The following ATIC variants were observed in gnomAD, a reference collection of about 807,000 sequenced individuals.
The protein encoded by ATIC is bifunctional purine biosynthesis protein ATIC.
In ATIC, 64 loss-of-function variants were observed where a neutral mutation model predicts 72.5. The observed-to-expected ratio is 0.88, with a 90% CI of 0.72 to 1.09. The LOEUF is 1.09. ATIC is among the 50% of genes least tolerant of loss of function. The pLI, the probability that ATIC is intolerant of heterozygous loss-of-function variation, is 0.00. For synonymous variants in ATIC, 281 were observed against 267.1 expected (o/e 1.05, Z -0.51); for missense variants, 787 against 732.4 (o/e 1.07, Z -0.86).
chr2:215,319,241 C>T (rs2052742006), intron 3 of ATIC, among the ~76,000 whole-genome samples: 1 of 152,114 alleles, frequency 6.6e-6, no homozygotes, highest in Non-Finnish European at 1.5e-5. Flanking sequence ...GTTTGATATT[C>T]TTTAATTAAG....
the ATIC span, chr2:215,361,799 C>T: frequency 5.6e-6 from 3 of 538,568 alleles, no homozygotes; most frequent in Non-Finnish European, 7.1e-6. Flanking sequence ...TCAAGAGTTA[C>T]ATAAATTATA....
chr2:215,332,783 T>G (rs2052910219), intron 8 of ATIC, among the ~76,000 whole-genome samples: 1 of 152,160 alleles, frequency 6.6e-6, no homozygotes, highest in South Asian at 2.1e-4. Flanking sequence ...TGCAATAGAC[T>G]AAGTCTTGTG....
the ATIC span, among the ~76,000 whole-genome samples, chr2:215,358,401 G>A: frequency 2.6e-5 from 4 of 151,724 alleles, no homozygotes; most frequent in Admixed American, 6.6e-5. Flanking sequence ...AACAATTCTC[G>A]GGGGAAGCAA....
chr2:215,338,965 A>G lies in ATIC; in HGVS notation c.1227+58A>G, dbSNP rs1248681659. On this transcript the variant is annotated intron_variant, in intron 12 of 15. Coordinates refer to ENST00000236959, the MANE Select transcript of ATIC (RefSeq NM_004044.7). ...TAACTTCCATTGGTCTGTTTTCAAT[A>G]CTTAATGAGCTTTACATTTATTAAG... 13 of 1,602,058 alleles carry G rather than the reference A, an allele frequency of 8.1e-6. No homozygotes were observed. In the East Asian group the frequency reaches 2.7e-4, roughly 33 times the overall value.
Position 215,333,467 on chromosome 2 carries a change from A to G in ATIC, c.922+10A>G. ...TATGCAAGAGCAAGAGGTCAGACTC[A>G]TAGGGCTTTTTGATTTGGGGGAGAA... On this transcript the variant is annotated intron_variant, in intron 9 of 15. Transcript: ENST00000236959. The G allele has an allele frequency of 6.2e-7, 1 of 1,608,970 alleles. No individual in the cohort carries two copies. The highest frequency in any genetic ancestry group is 1.1e-5 in the South Asian group (1 of 90,746).
At chr2:215,330,613 A>G (rs1009307493) in intron 7 of ATIC, among the ~76,000 whole-genome samples, 3 of 152,072 alleles carry the variant, frequency 2.0e-5, no homozygotes, top group African/African-American at 7.2e-5. Flanking sequence ...ATCATGCAGA[A>G]TAGTTTCAAT....
chr2:215,365,874 C>G, the ATIC span: 1 of 197,420 alleles, frequency 5.1e-6, no homozygotes, highest in Non-Finnish European at 9.9e-6. Context: ...GGTGCAATCT[C>G]GGCTCACTGT....
At chr2:215,318,931 C>T (rs1276762508) in intron 3 of ATIC, among the ~76,000 whole-genome samples, 3 of 151,542 alleles carry the variant, frequency 2.0e-5, no homozygotes, top group Middle Eastern at 3.4e-3. Flanking sequence ...GGCTGGAGTG[C>T]AGTGGTGCGA....
chr2:215,330,708 T>C (rs1235764527), intron 7 of ATIC, among the ~76,000 whole-genome samples: 1 of 150,078 alleles, frequency 6.7e-6, no homozygotes, highest in East Asian at 1.9e-4. Context: ...TCTTTTTCTC[T>C]TTTCTTTTTT....
intron 5 of ATIC, among the ~76,000 whole-genome samples, chr2:215,325,753 A>G (rs1205074262): frequency 6.6e-6 from 1 of 151,838 alleles, no homozygotes; most frequent in African/African-American, 2.4e-5. Flanking sequence ...TTTTATAGAG[A>G]TGGAATTTCG....
At chr2:215,355,708 T>C in the ATIC span, among the ~76,000 whole-genome samples, 2 of 152,248 alleles carry the variant, frequency 1.3e-5, no homozygotes, top group Admixed American at 6.5e-5. Flanking sequence ...ATGAAACTTT[T>C]ACCATTTAAA....
chr2:215,364,039 G>A, the ATIC span, among the ~76,000 whole-genome samples: 16 of 152,210 alleles, frequency 1.1e-4, no homozygotes, highest in South Asian at 4.2e-4. Context: ...CTTAGTCATC[G>A]TAAACCTCAG....
intron 7 of ATIC, among the ~76,000 whole-genome samples, chr2:215,327,368 A>G (rs1275388304): frequency 6.6e-6 from 1 of 152,210 alleles, no homozygotes; most frequent in Non-Finnish European, 1.5e-5. Context: ...AATGCATTTG[A>G]GAACAGAAAA....
intron 10 of ATIC, among the ~76,000 whole-genome samples, chr2:215,335,828 T>TG (rs2052947647): frequency 6.6e-6 from 1 of 152,178 alleles, no homozygotes; most frequent in Non-Finnish European, 1.5e-5. Context: ...AACAAAAACT[T>TG]GGAGAGGACA....
intron 12 of ATIC, 73 bp from the exon 13 acceptor site, chr2:215,344,706 T>C (rs770729500): frequency 6.3e-6 from 9 of 1,431,458 alleles, no homozygotes; most frequent in Non-Finnish European, 8.7e-6. Context: ...AAAAATAATA[T>C]TTAAAAAAAG....
At chr2:215,312,675 A>T in intron 2 of ATIC, 51 bp downstream of exon 2, 1 of 1,613,646 alleles carries the variant, frequency 6.2e-7, no homozygotes, top group Non-Finnish European at 8.5e-7. Context: ...ATTAACCAGG[A>T]AGTATTGTAT....
At chr2:215,354,407 G>C (rs1309254832), downstream of ATIC, among the ~76,000 whole-genome samples, 2 of 152,186 alleles carry the variant, frequency 1.3e-5, no homozygotes, top group Middle Eastern at 3.4e-3. Context: ...ATTTCCCTTT[G>C]TTGGCACTCT....
At chr2:215,339,998 A>C (rs114430305) in intron 12 of ATIC, among the ~76,000 whole-genome samples, 5 of 144,448 alleles carry the variant, frequency 3.5e-5, no homozygotes, top group African/African-American at 7.7e-5. Flanking sequence ...CTCTGTTTGA[A>C]TGTTTTTATT....
chr2:215,355,367 G>C, the ATIC span, among the ~76,000 whole-genome samples: 1 of 152,168 alleles, frequency 6.6e-6, no homozygotes, highest in Non-Finnish European at 1.5e-5. Flanking sequence ...TCCAGCAGAA[G>C]GACAGAAGAT....
Sources: allele counts gnomAD v4.1 joint callset (sites outside exome capture counted in the v4.1 genomes callset), GRCh38; gene constraint gnomAD v4.1.1; transcripts MANE v1.5; gene names NCBI Gene and HGNC (gene_info 2026-07-23, HGNC 2026-07-21).